ZNF577: variants seen among roughly 807,000 people sequenced by gnomAD.
ZNF577 encodes zinc finger protein 577.
Under a neutral mutation model 13.9 loss-of-function variants are expected in ZNF577, and 14 were observed. The ratio of observed to expected loss-of-function variants is 1.00; its 90% CI spans 0.66 to 1.57. The LOEUF (loss-of-function observed/expected upper bound fraction) is 1.57. Among genes scored for constraint, ZNF577 ranks in the 40% most tolerant of loss-of-function variants. The pLI is 0.00. For synonymous variants in ZNF577, 203 were observed against 202.9 expected, an observed-to-expected ratio of 1.00 and a Z score of 0.00; for missense variants, 555 against 579.2, an observed-to-expected ratio of 0.96 and a Z score of 0.43.
At chr19:51,817,260 C>CA (rs1264694791) in intron 9 of ZNF577, among the ~76,000 whole-genome samples, 9 of 152,152 alleles carry the variant, frequency 5.9e-5, no homozygotes, top group Non-Finnish European at 7.3e-5. Flanking sequence ...AATCACAGGA[C>CA]ACCATTGGTT....
At chr19:51,876,582 A>G (rs3848562) in intron 5 of ZNF577, among the ~76,000 whole-genome samples, 36,640 of 151,894 alleles carry the variant, frequency 0.24, 5,861 homozygotes, top group African/African-American at 0.43. Context: ...GAAGGAAATC[A>G]GGCCTTTCCA....
intron 6 of ZNF577, among the ~76,000 whole-genome samples, chr19:51,843,998 T>A (rs1301307485): frequency 1.3e-5 from 2 of 151,250 alleles, no homozygotes; most frequent in Non-Finnish European, 2.9e-5. Context: ...AGCAGGAACA[T>A]GTCTTGGAGC....
At chr19:51,837,442 G>C (rs2084294159) in intron 9 of ZNF577, among the ~76,000 whole-genome samples, 1 of 152,160 alleles carries the variant, frequency 6.6e-6, no homozygotes, top group Admixed American at 6.5e-5. Context: ...GGGACTTAGA[G>C]TACCTGTATG....
chr19:51,853,786 T>A (rs550404097), intron 5 of ZNF577, among the ~76,000 whole-genome samples: 12 of 152,342 alleles, frequency 7.9e-5, no homozygotes, highest in Middle Eastern at 3.4e-3. Context: ...CCCTTCTTTC[T>A]TAAATACCAC....
intron 5 of ZNF577, 51 bp from the exon 6 acceptor site, chr19:51,873,757 T>A: frequency 7.3e-7 from 1 of 1,367,266 alleles, no homozygotes; most frequent in Non-Finnish European, 1.0e-6. Context: ...ATTGTGTCTT[T>A]ACATTAAAGG....
In ZNF577 at chr19:51,867,274, C is replaced by T. The variant is rs1208743231; in HGVS notation, c.*5258G>A. ...AAGGCAAAAGAAAGAAGCAAAACCTCACCGGGGCTTTTATCGTTTTTTTCT... is the reference window on the plus strand; with the variant it reads ...AAGGCAAAAGAAAGAAGCAAAACCTTACCGGGGCTTTTATCGTTTTTTTCT... On this transcript the variant is annotated 3_prime_UTR_variant, in exon 6 of 6. Transcript: ENST00000638348. Among the ~76,000 whole-genome samples the T allele has an allele frequency of 1.3e-5, 2 of 152,162 alleles. No individual in the cohort carries two copies. Among genetic ancestry groups the T allele is most frequent in the Non-Finnish European group, 2.9e-5 (2 of 68,034 alleles).
At chr19:51,855,173 T>C (rs2122575400) in intron 5 of ZNF577, among the ~76,000 whole-genome samples, 1 of 152,318 alleles carries the variant, frequency 6.6e-6, no homozygotes, top group Admixed American at 6.5e-5. Context: ...AGTTGTTACT[T>C]TGGAAATCAG....
chr19:51,816,386 T>C (rs1470320582), intron 9 of ZNF577, among the ~76,000 whole-genome samples: 3 of 152,196 alleles, frequency 2.0e-5, no homozygotes, highest in African/African-American at 7.2e-5. Context: ...TAGCTGGAAT[T>C]ACTGGCATGT....
At chr19:51,850,390 G>A (rs963967352) in intron 5 of ZNF577, among the ~76,000 whole-genome samples, 1 of 152,164 alleles carries the variant, frequency 6.6e-6, no homozygotes, top group African/African-American at 2.4e-5. Flanking sequence ...ACCAAGGTTT[G>A]GGCAAACTTC....
At chr19:51,805,727 C>T (rs868603148) in intron 10 of ZNF577, among the ~76,000 whole-genome samples, 3 of 152,052 alleles carry the variant, frequency 2.0e-5, no homozygotes, top group Non-Finnish European at 2.9e-5. Context: ...CGTACTGAGC[C>T]GTTTGAACAG....
chr19:51,840,308 C>T (rs1045779060), intron 8 of ZNF577, among the ~76,000 whole-genome samples: 1 of 152,134 alleles, frequency 6.6e-6, no homozygotes, highest in Admixed American at 6.5e-5. Context: ...CTATTTAGCC[C>T]CATAGGCCCT....
intron 5 of ZNF577, among the ~76,000 whole-genome samples, chr19:51,875,363 C>CCA (rs2084741691): frequency 1.6e-5 from 1 of 63,826 alleles, no homozygotes; most frequent in Non-Finnish European, 3.8e-5. Context: ...AACTCTGTCA[C>CCA]AAAAAAAAAA....
rs113913089 is a variant in ZNF577, at chr19:51,873,849, G to A, written c.284-143C>T. On this transcript the variant is annotated intron_variant, in intron 5 of 5. Transcript: ENST00000638348. ...TTTCAAAATGTTTAAGCTCATTTTG[G>A]TTTTCTGGGTACCACTGCATATGGT... The A allele has an allele frequency of 7.4e-4, 519 of 702,814 alleles. 1 individual carries two copies. Among genetic ancestry groups the A allele is most frequent in the African/African-American group, 5.4e-3 (298 of 55,262 alleles). 43.5% of individuals were successfully genotyped at this position (702,814 alleles called of 1,614,324 possible).
chr19:51,850,211 G>A (rs751863571), intron 5 of ZNF577, among the ~76,000 whole-genome samples: 8 of 152,146 alleles, frequency 5.3e-5, no homozygotes, highest in Non-Finnish European at 1.0e-4. Flanking sequence ...CTTGGGAAGA[G>A]TATCTTTGTT....
Position 51,868,113 on chromosome 19 carries a change from G to C in ZNF577, c.*4419C>G, listed in dbSNP as rs2084594098. Reference sequence around the variant, plus strand: ...GTAAATCTGTGCACCAGCAGTTGTAGGTTTTTAAGTGTGTCAAATTTCTTT... The same window carrying C: ...GTAAATCTGTGCACCAGCAGTTGTACGTTTTTAAGTGTGTCAAATTTCTTT... On this transcript the variant is annotated 3_prime_UTR_variant, in exon 6 of 6. Transcript: ENST00000638348. Among the ~76,000 whole-genome samples, 1 of 152,272 alleles carries C rather than the reference G, an allele frequency of 6.6e-6. No homozygotes were observed. Among genetic ancestry groups the C allele is most frequent in the East Asian group, 1.9e-4 (1 of 5,180 alleles).
rs1290818558 is a variant in ZNF577 at position 51,869,107 on chromosome 19, C to T, written c.*3425G>A. Among the ~76,000 whole-genome samples the T allele has an allele frequency of 6.6e-6, 1 of 152,076 alleles. No homozygotes were observed. The highest frequency in any genetic ancestry group is 6.5e-5 in the Admixed American group (1 of 15,276). ...CCTCGTGGGAAGGGAAAGACCTGAC[C>T]GTCCCCAAGCCCGATACCCATAAAG... On this transcript the variant is annotated 3_prime_UTR_variant, in exon 6 of 6. Coordinates refer to ENST00000638348, the MANE Select transcript of ZNF577 (RefSeq NM_001370449.1).
At chr19:51,846,309 G>T (rs1234180839) in intron 5 of ZNF577, among the ~76,000 whole-genome samples, 1 of 152,152 alleles carries the variant, frequency 6.6e-6, no homozygotes, top group Non-Finnish European at 1.5e-5. Context: ...GCTACCTTTT[G>T]TCAAGTATCT....
intron 5 of ZNF577, chr19:51,860,956 G>T: frequency 2.3e-6 from 1 of 427,234 alleles, no homozygotes; most frequent in African/African-American, 2.1e-5. Context: ...CCATCTGTAG[G>T]GTCCTTCTCC....
intron 9 of ZNF577, among the ~76,000 whole-genome samples, chr19:51,838,496 T>A (rs115966093): frequency 0.075 from 11,178 of 149,718 alleles, 1,193 homozygotes; most frequent in African/African-American, 0.24. Context: ...TAATAAAAAA[T>A]TTTTTTTTAA....
Sources: allele counts gnomAD v4.1 joint callset (sites outside exome capture counted in the v4.1 genomes callset), GRCh38; gene constraint gnomAD v4.1.1; transcripts MANE v1.5; gene names NCBI Gene and HGNC (gene_info 2026-07-23, HGNC 2026-07-21).